LHX3: variants seen among roughly 807,000 people sequenced by gnomAD.
LHX3 encodes the protein LIM homeobox 3, also known as LIM/homeobox protein Lhx3.
Under a neutral mutation model 32.4 loss-of-function variants are expected in LHX3, and 21 were observed. That is an observed-to-expected ratio of 0.65 (90% CI 0.46 to 0.93). LHX3 has a LOEUF of 0.93. Ranked by LOEUF, LHX3 falls within the 40% of genes least tolerant of loss-of-function variation. The pLI is 0.00. For synonymous variants in LHX3, 258 were observed against 246.8 expected (o/e 1.05, Z -0.43); for missense variants, 626 against 560.0 (o/e 1.12, Z -1.19).
intron 1 of LHX3, chr9:136,203,213 C>A (rs1831688469): frequency 1.1e-6 from 1 of 927,638 alleles, no homozygotes; most frequent in Non-Finnish European, 1.3e-6. Flanking sequence ...GCGGAGCGGC[C>A]GGGGGGCGGG....
intron 5 of LHX3, 139 bp downstream of exon 5, chr9:136,198,513 A>T: frequency 2.0e-6 from 2 of 1,008,044 alleles, no homozygotes; most frequent in South Asian, 3.2e-5. Flanking sequence ...CAGGTTCTGT[A>T]AGTGAAATGC....
intron 1 of LHX3, 42 bp downstream of exon 1, chr9:136,204,892 C>A (rs1245187525): frequency 2.0e-6 from 3 of 1,528,326 alleles, no homozygotes; most frequent in Non-Finnish European, 2.7e-6. Flanking sequence ...GCGCCTCTGC[C>A]GCCCTTGCCG....
At chr9:136,198,874 C>A (rs756034984) in intron 4 of LHX3, 34 bp downstream of exon 4, 1 of 1,591,896 alleles carries the variant, frequency 6.3e-7, no homozygotes, top group Non-Finnish European at 8.5e-7. Context: ...CCCCCAAGGC[C>A]GCGGGCGGGA....
At chr9:136,201,269 G>T (rs966231533) in intron 1 of LHX3, 33 of 1,279,742 alleles carry the variant, frequency 2.6e-5, no homozygotes, top group Middle Eastern at 2.9e-4. Context: ...GGCCCTGTCT[G>T]CAGGCCTCCG....
rs1831505706 is a variant in LHX3, at chr9:136,196,990, T to C, written c.*335A>G. 2 of 435,674 alleles carry C rather than the reference T, an allele frequency of 4.6e-6. No homozygotes were observed. The highest frequency in any genetic ancestry group is 8.3e-6 in the Non-Finnish European group (2 of 239,962). 27.0% of individuals were successfully genotyped at this position (435,674 alleles called of 1,614,324 possible). Reference sequence around the variant, plus strand: ...AAGCGTTTTTCCAGCCCTCGGGCTATGCTGGGCTGGGCTGGGCCTCAGCAA... The same window carrying C: ...AAGCGTTTTTCCAGCCCTCGGGCTACGCTGGGCTGGGCTGGGCCTCAGCAA... On this transcript the variant is annotated 3_prime_UTR_variant, in exon 6 of 6. Coordinates refer to ENST00000371748, the MANE Select transcript of LHX3 (RefSeq NM_178138.6).
chr9:136,204,608 C>A (rs1831714538), intron 1 of LHX3, among the ~76,000 whole-genome samples: 1 of 152,184 alleles, frequency 6.6e-6, no homozygotes. Context: ...CTGGGCCGGG[C>A]TGTGTGCAAG....
Position 136,205,069 on chromosome 9 carries a change from G to C in LHX3, c.-57C>G. On this transcript the variant is annotated 5_prime_UTR_variant, in exon 1 of 6. Transcript: ENST00000371748. ...GCTCCTCCTAGGTCAGCGTCCCCTGGAGGGTTCGGGGCTCCCAAGTCCCGC... is the reference window on the plus strand; with the variant it reads ...GCTCCTCCTAGGTCAGCGTCCCCTGCAGGGTTCGGGGCTCCCAAGTCCCGC... The C allele has an allele frequency of 6.9e-7, 1 of 1,443,330 alleles. No individual in the cohort carries two copies. Among genetic ancestry groups the C allele is most frequent in the Non-Finnish European group, 9.4e-7 (1 of 1,065,762 alleles). 89.4% of individuals were successfully genotyped at this position (1,443,330 alleles called of 1,614,324 possible).
intron 1 of LHX3, among the ~76,000 whole-genome samples, chr9:136,204,079 G>A (rs1299552918): frequency 6.6e-6 from 1 of 152,238 alleles, no homozygotes; most frequent in Non-Finnish European, 1.5e-5. Flanking sequence ...GGGACCAGGG[G>A]CTGATGCCAT....
chr9:136,198,581 C>G (rs1831549822), intron 5 of LHX3, 71 bp downstream of exon 5: 2 of 1,485,014 alleles, frequency 1.3e-6, no homozygotes, highest in East Asian at 4.9e-5. Flanking sequence ...GATCCGCGGG[C>G]TCCCTGGGAC....
intron 1 of LHX3, chr9:136,201,396 G>C: frequency 1.6e-6 from 2 of 1,234,426 alleles, no homozygotes; most frequent in Non-Finnish European, 1.0e-6. Context: ...CACCGTCAGA[G>C]TTACTCAAAC....
intron 3 of LHX3, among the ~76,000 whole-genome samples, 157 bp from the exon 4 acceptor site, chr9:136,199,216 T>C (rs1291760820): frequency 2.0e-5 from 3 of 151,582 alleles, no homozygotes; most frequent in African/African-American, 7.2e-5. Flanking sequence ...CTGGGAGCGA[T>C]TGGCAAAAAC....
intron 1 of LHX3, chr9:136,201,556 C>T (rs1831639946): frequency 1.8e-6 from 2 of 1,087,068 alleles, no homozygotes; most frequent in Non-Finnish European, 2.2e-6. Flanking sequence ...AGGACTCCCT[C>T]TTCACTTAGA....
rs2131032901 is a variant in LHX3 at position 136,198,933 on chromosome 9, G to C, written c.581C>G (p.Thr194Arg). ...CTGCACCACGCGCATGTCCAGGCCC[G>C]TCTCGGACGAGAGCTGCTCGCGCAC... The part of the protein sequence containing the change: ...RHVREQLSSE[T>R]GLDMRVVQVW... The change falls in exon 4 of 6, where the codon ACG (threonine) becomes AGG (arginine). Residue 194 changes from threonine to arginine, a missense_variant. By Grantham distance (71) the Thr-to-Arg change is moderately conservative (BLOSUM62 -1). Transcript: ENST00000371748. 6.3e-7 allele frequency: 1 copy of C among 1,588,622 alleles called. No homozygotes were observed. Among genetic ancestry groups the C allele is most frequent in the South Asian group, 1.1e-5 (1 of 89,194 alleles).
chr9:136,201,712 G>T (rs886491874), intron 1 of LHX3: 7 of 986,160 alleles, frequency 7.1e-6, no homozygotes, highest in Non-Finnish European at 8.4e-6. Flanking sequence ...CTCGACCTCC[G>T]GCGGAAAAAA....
At chr9:136,202,161 G>GC (rs1207352238) in intron 1 of LHX3, among the ~76,000 whole-genome samples, 1 of 151,708 alleles carries the variant, frequency 6.6e-6, no homozygotes, top group Non-Finnish European at 1.5e-5. Flanking sequence ...CCCTCTCTCC[G>GC]CCCCCCAGCC....
At chr9:136,197,982 C>T (rs912741000) in intron 5 of LHX3, among the ~76,000 whole-genome samples, 1 of 152,200 alleles carries the variant, frequency 6.6e-6, no homozygotes, top group Admixed American at 6.5e-5. Context: ...AGGAACAGCC[C>T]AGCCAGGGCC....
chr9:136,202,340 G>C (rs1399899433), intron 1 of LHX3, among the ~76,000 whole-genome samples: 1 of 151,636 alleles, frequency 6.6e-6, no homozygotes, highest in Non-Finnish European at 1.5e-5. Flanking sequence ...CCCGGGAGTC[G>C]AGGAGAACTG....
At position 136,199,884 on chromosome 9, in the gene LHX3, CGGGA is replaced by C. The variant is rs1564283660; in HGVS notation, c.252-8_252-5del. On this transcript the variant is annotated splice_polypyrimidine_tract_variant and splice_region_variant and intron_variant, in intron 2 of 5. Transcript: ENST00000371748. ...GGCGCACTTGGTCCCGAAGCGCCTG[CGGGA>C]CGCACAGGGCCGGGCTCAGCGCGGA... is the stretch of plus-strand genomic sequence containing the variant. 1 of 1,582,046 alleles carries C rather than the reference CGGGA, an allele frequency of 6.3e-7. No individual in the cohort carries two copies. Among genetic ancestry groups the C allele is most frequent in the East Asian group, 2.3e-5 (1 of 42,774 alleles).
At chr9:136,203,402 C>G (rs973270459) in intron 1 of LHX3, among the ~76,000 whole-genome samples, 40 of 152,264 alleles carry the variant, frequency 2.6e-4, no homozygotes, top group African/African-American at 9.4e-4. Context: ...GTCCCGGCCC[C>G]GCAGCTTCCT....
Sources: allele counts gnomAD v4.1 joint callset (sites outside exome capture counted in the v4.1 genomes callset), GRCh38; gene constraint gnomAD v4.1.1; transcripts MANE v1.5; gene names NCBI Gene and HGNC (gene_info 2026-07-23, HGNC 2026-07-21).